STK39: variants seen among roughly 807,000 people sequenced by gnomAD.
STK39 encodes STE20/SPS1-related proline-alanine-rich protein kinase.
A neutral mutation model predicts 77.8 loss-of-function variants in STK39; 20 were observed. That is an observed-to-expected ratio of 0.26 (90% CI 0.18 to 0.37). The LOEUF (loss-of-function observed/expected upper bound fraction) is 0.37. Among genes scored for constraint, STK39 ranks in the 10% least tolerant of loss-of-function variants. The pLI is 1.00. For synonymous variants in STK39, 246 were observed against 234.1 expected (o/e 1.05, Z -0.47); for missense variants, 479 against 656.5 (o/e 0.73, Z 2.95).
At chr2:168,039,794 T>C (rs1347195161) in intron 14 of STK39, among the ~76,000 whole-genome samples, 1 of 152,202 alleles carries the variant, frequency 6.6e-6, no homozygotes, top group Non-Finnish European at 1.5e-5. Context: ...GTGGATGCAA[T>C]TTATTATATA....
intron 10 of STK39, among the ~76,000 whole-genome samples, chr2:168,117,062 A>C (rs1657285936): frequency 6.6e-6 from 1 of 152,230 alleles, no homozygotes; most frequent in Non-Finnish European, 1.5e-5. Flanking sequence ...GTTGTCAAAT[A>C]ATACAAAGTG....
chr2:168,156,753 T>C (rs73021450), intron 5 of STK39, among the ~76,000 whole-genome samples: 9,266 of 152,284 alleles, frequency 0.061, 493 homozygotes, highest in African/African-American at 0.14. Flanking sequence ...AGGACTGAAC[T>C]ATGGCTGTCT....
At chr2:168,234,028 T>C (rs539055509) in intron 1 of STK39, among the ~76,000 whole-genome samples, 2 of 152,240 alleles carry the variant, frequency 1.3e-5, no homozygotes, top group Non-Finnish European at 2.9e-5. Context: ...TCTGAAGAGA[T>C]GAATTGACTA....
At chr2:168,049,289 G>A (rs898172397) in intron 14 of STK39, among the ~76,000 whole-genome samples, 7 of 152,140 alleles carry the variant, frequency 4.6e-5, no homozygotes, top group Non-Finnish European at 8.8e-5. Flanking sequence ...GATAAGCTCC[G>A]ATTTCTGAGT....
At chr2:168,097,574 CCA>C (rs1315498321) in intron 10 of STK39, among the ~76,000 whole-genome samples, 1 of 152,098 alleles carries the variant, frequency 6.6e-6, no homozygotes, top group Non-Finnish European at 1.5e-5. Flanking sequence ...ACACCCCATC[CCA>C]CACACATAAT....
At position 168,012,468 on chromosome 2, in the gene STK39, C is replaced by T. The variant is rs536659868; in HGVS notation, c.1498+166G>A. ...GATTATAGGCATGAGTCATGGCGCC[C>T]GTCCAAATATGATTCTTAAATATAC... is the stretch of plus-strand genomic sequence containing the variant. On this transcript the variant is annotated intron_variant, in intron 16 of 17. Coordinates refer to ENST00000355999, the MANE Select transcript of STK39 (RefSeq NM_013233.3). Among the ~76,000 whole-genome samples the T allele has an allele frequency of 4.6e-5, 7 of 152,114 alleles. No individual in the cohort carries two copies. In the South Asian group the frequency reaches 8.3e-4, roughly 18 times the overall value.
At chr2:168,138,859 A>G (rs1277038272) in intron 7 of STK39, among the ~76,000 whole-genome samples, 2 of 152,240 alleles carry the variant, frequency 1.3e-5, no homozygotes, top group Non-Finnish European at 2.9e-5. Flanking sequence ...AAAACAAAAT[A>G]AAATACAACT....
chr2:168,064,033 T>C (rs796389621), intron 13 of STK39, among the ~76,000 whole-genome samples: 8 of 152,286 alleles, frequency 5.3e-5, no homozygotes, highest in African/African-American at 1.9e-4. Context: ...TTATTAACCA[T>C]GAATGTCTCC....
intron 1 of STK39, among the ~76,000 whole-genome samples, chr2:168,235,937 C>T (rs1334987616): frequency 1.8e-4 from 27 of 151,918 alleles, no homozygotes; most frequent in African/African-American, 6.5e-4. Flanking sequence ...GTCTTTATAG[C>T]AGAATGATTT....
intron 3 of STK39, among the ~76,000 whole-genome samples, chr2:168,164,638 C>A (rs1229914097): frequency 6.7e-6 from 1 of 149,170 alleles, no homozygotes; most frequent in East Asian, 2.1e-4. Context: ...AACTTCTGGG[C>A]TTAAGTGATC....
At chr2:168,196,625 C>T (rs1330748019) in intron 1 of STK39, among the ~76,000 whole-genome samples, 1 of 152,194 alleles carries the variant, frequency 6.6e-6, no homozygotes, top group Non-Finnish European at 1.5e-5. Context: ...CACTGCACTC[C>T]AGAGCAAGAC....
intron 5 of STK39, among the ~76,000 whole-genome samples, chr2:168,147,098 G>A (rs936180249): frequency 3.3e-5 from 5 of 152,148 alleles, no homozygotes; most frequent in Non-Finnish European, 4.4e-5. Context: ...TTAAGATTCC[G>A]CAACTCCTAA....
At chr2:168,185,631 G>T (rs1352006218) in intron 1 of STK39, among the ~76,000 whole-genome samples, 1 of 152,054 alleles carries the variant, frequency 6.6e-6, no homozygotes, top group Non-Finnish European at 1.5e-5. Context: ...TTCTAACTTT[G>T]CATTTCACTA....
At chr2:168,183,886 T>C (rs568498409) in intron 1 of STK39, among the ~76,000 whole-genome samples, 2 of 152,298 alleles carry the variant, frequency 1.3e-5, no homozygotes, top group African/African-American at 4.8e-5. Context: ...CAAAGTATAT[T>C]TTCCAGTCTC....
In STK39 at chr2:168,055,264, T is replaced by C. The variant is rs138960003; in HGVS notation, c.1376+8236A>G. On this transcript the variant is annotated intron_variant, in intron 14 of 17. Coordinates refer to ENST00000355999, the MANE Select transcript of STK39 (RefSeq NM_013233.3). ...AATTATAATTCCTCCTGAATAATGATGGAATTAGAATTCTGGCATACTCAT... is the reference window on the plus strand; with the variant it reads ...AATTATAATTCCTCCTGAATAATGACGGAATTAGAATTCTGGCATACTCAT... Among the ~76,000 whole-genome samples, 4 of 152,358 alleles carry C rather than the reference T, an allele frequency of 2.6e-5. No homozygotes were observed. In the East Asian group the frequency reaches 7.7e-4, roughly 29 times the overall value.
In STK39 at chr2:168,039,321, G is replaced by A. The variant is rs1467782134; in HGVS notation, c.1377-22226C>T. Among the ~76,000 whole-genome samples, 20 of 18,974 alleles carry A rather than the reference G, an allele frequency of 1.1e-3. 8 individuals carry two copies. The highest frequency in any genetic ancestry group is 3.8e-3 in the Non-Finnish European group (18 of 4,766). 12.4% of individuals were successfully genotyped at this position (18,974 alleles called of 152,430 possible). A position where few individuals can be genotyped will look rare whatever the true frequency, so the allele number is the denominator to read the frequency against. ...GAAAAAAGCAGATCAGGCCGGGCGCGGTGGCTCACGCCTGTAATCCCAGCA... is the reference window on the plus strand; with the variant it reads ...GAAAAAAGCAGATCAGGCCGGGCGCAGTGGCTCACGCCTGTAATCCCAGCA... On this transcript the variant is annotated intron_variant, in intron 14 of 17. Coordinates refer to ENST00000355999, the MANE Select transcript of STK39 (RefSeq NM_013233.3).
At chr2:168,172,290 A>T (rs1688848229) in intron 2 of STK39, among the ~76,000 whole-genome samples, 1 of 152,224 alleles carries the variant, frequency 6.6e-6, no homozygotes, top group East Asian at 1.9e-4. Flanking sequence ...CCATGGCAGC[A>T]GCCGTCACTT....
chr2:168,100,561 G>T (rs571745771), intron 10 of STK39, among the ~76,000 whole-genome samples: 5 of 152,088 alleles, frequency 3.3e-5, no homozygotes, highest in Non-Finnish European at 7.4e-5. Context: ...ACCTCACTCA[G>T]CCTTTTCATT....
At chr2:167,990,673 T>G (rs1683678488) in intron 16 of STK39, among the ~76,000 whole-genome samples, 1 of 152,184 alleles carries the variant, frequency 6.6e-6, no homozygotes, top group Non-Finnish European at 1.5e-5. Context: ...GCAATTTGAT[T>G]AAAACCCAAC....
Sources: allele counts gnomAD v4.1 joint callset (sites outside exome capture counted in the v4.1 genomes callset), GRCh38; gene constraint gnomAD v4.1.1; transcripts MANE v1.5; gene names NCBI Gene and HGNC (gene_info 2026-07-23, HGNC 2026-07-21).